The following CPNE4 variants were observed in gnomAD, a reference collection of about 807,000 sequenced individuals.
The protein encoded by CPNE4 is copine 4.
CPNE4 carries 25 observed loss-of-function variants against 67.9 expected under a neutral mutation model. The ratio of observed to expected loss-of-function variants is 0.37; its 90% CI spans 0.27 to 0.51. The LOEUF is 0.51. Among genes scored for constraint, CPNE4 ranks in the 20% least tolerant of loss-of-function variants. CPNE4 has a pLI of 0.93. For missense variants in CPNE4, 464 were observed against 690.8 expected (o/e 0.67, Z 3.68); for synonymous variants, 242 against 244.9 (o/e 0.99, Z 0.11).
At chr3:131,943,897 C>T (rs1428124241) in intron 1 of CPNE4, among the ~76,000 whole-genome samples, 1 of 152,116 alleles carries the variant, frequency 6.6e-6, no homozygotes, top group Non-Finnish European at 1.5e-5. Context: ...CAATCCCCTG[C>T]CTTTGCAGAA....
At chr3:131,865,099 T>A (rs528318463) in intron 2 of CPNE4, among the ~76,000 whole-genome samples, 1 of 152,162 alleles carries the variant, frequency 6.6e-6, no homozygotes, top group South Asian at 2.1e-4. Flanking sequence ...CTGCTGGATT[T>A]GGTTTGCCAG....
At chr3:131,702,404 G>A (rs952251680) in intron 3 of CPNE4, among the ~76,000 whole-genome samples, 5 of 152,162 alleles carry the variant, frequency 3.3e-5, no homozygotes, top group Non-Finnish European at 4.4e-5. Flanking sequence ...TTCTCTGCAC[G>A]TTTTTTCCAG....
intron 3 of CPNE4, among the ~76,000 whole-genome samples, chr3:131,707,846 G>C (rs1004171596): frequency 6.6e-6 from 1 of 152,126 alleles, no homozygotes; most frequent in Admixed American, 6.5e-5. Flanking sequence ...GGTACAGCAA[G>C]CATCACATAT....
intron 6 of CPNE4, 78 bp downstream of exon 6, chr3:131,685,797 C>A (rs6439315): frequency 0.3 from 289,047 of 967,668 alleles, 42,323 homozygotes; most frequent in Middle Eastern, 0.34. Context: ...CACACACACA[C>A]AAAAAGGAGT....
intron 2 of CPNE4, among the ~76,000 whole-genome samples, chr3:131,723,871 C>T (rs2081944091): frequency 6.6e-6 from 1 of 152,062 alleles, no homozygotes; most frequent in Non-Finnish European, 1.5e-5. Context: ...TATGAGTTTG[C>T]ATTATACAAA....
chr3:131,564,177 G>T, intron 11 of CPNE4, 39 bp downstream of exon 11: 1 of 1,611,390 alleles, frequency 6.2e-7, no homozygotes. Context: ...GAACCCACAT[G>T]AGAGATGATA....
chr3:131,732,472 C>A (rs967042069), intron 2 of CPNE4, among the ~76,000 whole-genome samples: 3 of 152,172 alleles, frequency 2.0e-5, no homozygotes, highest in Non-Finnish European at 4.4e-5. Flanking sequence ...TTCTTTCAGC[C>A]AATGGAAAGC....
intron 2 of CPNE4, among the ~76,000 whole-genome samples, chr3:131,890,915 C>T (rs1046085704): frequency 5.9e-5 from 9 of 152,090 alleles, no homozygotes; most frequent in East Asian, 5.8e-4. Context: ...CAGAAGTTGA[C>T]AAAAGAATGA....
At chr3:131,719,609 G>C (rs2081828077) in intron 3 of CPNE4, among the ~76,000 whole-genome samples, 1 of 152,116 alleles carries the variant, frequency 6.6e-6, no homozygotes, top group African/African-American at 2.4e-5. Flanking sequence ...GATATTTTCA[G>C]TTCAAGGAAT....
intron 1 of CPNE4, among the ~76,000 whole-genome samples, chr3:131,937,676 G>A (rs1250602841): frequency 6.6e-6 from 1 of 152,030 alleles, no homozygotes; most frequent in Non-Finnish European, 1.5e-5. Flanking sequence ...TGACTGTGTA[G>A]ATACATGCAA....
At chr3:131,665,931 G>GA (rs959601966) in intron 7 of CPNE4, among the ~76,000 whole-genome samples, 2 of 152,028 alleles carry the variant, frequency 1.3e-5, no homozygotes, top group Non-Finnish European at 2.9e-5. Context: ...ATTATAAAGA[G>GA]AAAATTCTGC....
At chr3:131,711,734 C>A (rs1294091359) in intron 3 of CPNE4, among the ~76,000 whole-genome samples, 1 of 152,140 alleles carries the variant, frequency 6.6e-6, no homozygotes, top group Non-Finnish European at 1.5e-5. Flanking sequence ...TTGTTTTCCT[C>A]CCCCTCAACT....
At chr3:131,895,128 T>C (rs1332993168) in intron 2 of CPNE4, among the ~76,000 whole-genome samples, 1 of 152,078 alleles carries the variant, frequency 6.6e-6, no homozygotes, top group Non-Finnish European at 1.5e-5. Context: ...CACTGTCTAA[T>C]CTTACTTATA....
intron 2 of CPNE4, among the ~76,000 whole-genome samples, chr3:131,828,634 T>C (rs2085257797): frequency 6.6e-6 from 1 of 152,202 alleles, no homozygotes; most frequent in African/African-American, 2.4e-5. Flanking sequence ...TTTCTTTCTC[T>C]TGGATGAATA....
At chr3:131,876,596 C>T (rs1180917057) in intron 2 of CPNE4, among the ~76,000 whole-genome samples, 1 of 141,392 alleles carries the variant, frequency 7.1e-6, no homozygotes, top group African/African-American at 2.7e-5. Flanking sequence ...GAGCCAAGAT[C>T]GCACCATTGC....
chr3:131,581,877 G>A (rs530967246), intron 8 of CPNE4, among the ~76,000 whole-genome samples: 7 of 152,246 alleles, frequency 4.6e-5, no homozygotes, highest in African/African-American at 1.4e-4. Flanking sequence ...CAGCAACTCC[G>A]CTTCCCTGCT....
At chr3:132,033,266 T>C (rs2074274637) in intron 1 of CPNE4, among the ~76,000 whole-genome samples, 2 of 152,242 alleles carry the variant, frequency 1.3e-5, no homozygotes, top group South Asian at 4.1e-4. Flanking sequence ...AGAACAGTGC[T>C]TTTAAAATCC....
At chr3:132,031,070 T>A (rs2074225002) in intron 1 of CPNE4, among the ~76,000 whole-genome samples, 1 of 152,110 alleles carries the variant, frequency 6.6e-6, no homozygotes, top group Admixed American at 6.5e-5. Context: ...TATTATAAGA[T>A]TTTGGGGACA....
intron 2 of CPNE4, among the ~76,000 whole-genome samples, chr3:131,886,445 T>C (rs1034336303): frequency 2.0e-5 from 3 of 152,124 alleles, no homozygotes; most frequent in African/African-American, 4.8e-5. Context: ...GCTAGGGCAA[T>C]GTAGAAGAGA....
Sources: allele counts gnomAD v4.1 joint callset (sites outside exome capture counted in the v4.1 genomes callset), GRCh38; gene constraint gnomAD v4.1.1; transcripts MANE v1.5; gene names NCBI Gene and HGNC (gene_info 2026-07-23, HGNC 2026-07-21).